The following FRAS1 variants were observed in gnomAD, a reference collection of about 807,000 sequenced individuals.
The protein encoded by FRAS1 is Fraser extracellular matrix complex subunit 1.
A neutral mutation model predicts 435.2 loss-of-function variants in FRAS1; 290 were observed. The ratio of observed to expected loss-of-function variants is 0.67; its 90% CI spans 0.61 to 0.73. The LOEUF (loss-of-function observed/expected upper bound fraction) is 0.73. Ranked by LOEUF, FRAS1 falls within the 30% of genes least tolerant of loss-of-function variation. The probability of loss-of-function intolerance (pLI) is 0.00; values close to 1 mark genes in which losing one functional copy is unlikely to be tolerated. For synonymous variants in FRAS1, 1,800 were observed against 1,851.0 expected, an observed-to-expected ratio of 0.97 and a Z score of 0.71; for missense variants, 4,860 against 5,001.5, an observed-to-expected ratio of 0.97 and a Z score of 0.85.
chr4:78,265,373 A>AG (rs925330334), intron 7 of FRAS1, among the ~76,000 whole-genome samples: 2 of 152,144 alleles, frequency 1.3e-5, no homozygotes, highest in African/African-American at 4.8e-5. Context: ...ACATGTCTTG[A>AG]GGGGGAAAAA....
intron 58 of FRAS1, among the ~76,000 whole-genome samples, chr4:78,485,474 C>T (rs1342660382): frequency 6.6e-6 from 1 of 152,150 alleles, no homozygotes; most frequent in Non-Finnish European, 1.5e-5. Flanking sequence ...CTTTTTCTTT[C>T]AGAGAAGCTA....
At chr4:78,137,157 A>G (rs1719955235) in intron 2 of FRAS1, among the ~76,000 whole-genome samples, 1 of 152,226 alleles carries the variant, frequency 6.6e-6, no homozygotes, top group South Asian at 2.1e-4. Context: ...GGCAATACTT[A>G]CATGGCTTTC....
At chr4:78,196,975 G>A (rs915023264) in intron 2 of FRAS1, among the ~76,000 whole-genome samples, 7 of 152,200 alleles carry the variant, frequency 4.6e-5, no homozygotes, top group Non-Finnish European at 8.8e-5. Context: ...ACAAGAGAGA[G>A]AAGTGGAGGG....
intron 2 of FRAS1, among the ~76,000 whole-genome samples, chr4:78,149,566 G>A (rs1720558272): frequency 6.6e-6 from 1 of 152,042 alleles, no homozygotes; most frequent in Non-Finnish European, 1.5e-5. Context: ...TTCTTGAATG[G>A]GAGTATAGTA....
At chr4:78,263,796 T>C (rs10007562) in intron 6 of FRAS1, among the ~76,000 whole-genome samples, 4,053 of 152,208 alleles carry the variant, frequency 0.027, 184 homozygotes, top group African/African-American at 0.091. Flanking sequence ...ACAGAGAAAA[T>C]AGTTGTCAAT....
chr4:78,315,549 T>C lies in FRAS1; in HGVS notation c.1679-45T>C, dbSNP rs1578247598. ...AAAGAATAGACTTCACTGCTTCTTT[T>C]GCTCACTATTGCCTTTCTCTGATGG... On this transcript the variant is annotated intron_variant, in intron 15 of 73. Coordinates refer to ENST00000512123, the MANE Select transcript of FRAS1 (RefSeq NM_025074.7). The C allele has an allele frequency of 2.6e-6, 4 of 1,559,912 alleles. No individual in the cohort carries two copies. The East Asian group carries it at 9.2e-5, about 36-fold the overall frequency.
intron 2 of FRAS1, among the ~76,000 whole-genome samples, chr4:78,088,174 G>T (rs1230581884): frequency 1.3e-5 from 2 of 152,130 alleles, no homozygotes; most frequent in African/African-American, 4.8e-5. Context: ...ACAAGCAATG[G>T]GGAAAGGATT....
intron 2 of FRAS1, among the ~76,000 whole-genome samples, chr4:78,115,971 C>A (rs1194357636): frequency 6.6e-6 from 1 of 152,164 alleles, no homozygotes; most frequent in Admixed American, 6.5e-5. Flanking sequence ...ACATTTAGTG[C>A]TATAAATTTC....
chr4:78,143,832 G>T (rs1193387807), intron 2 of FRAS1, among the ~76,000 whole-genome samples: 2 of 150,558 alleles, frequency 1.3e-5, no homozygotes, highest in Non-Finnish European at 3.0e-5. Flanking sequence ...TGAGCCCAGG[G>T]GACAAAGGTT....
chr4:78,417,240 A>G (rs1387793741), intron 32 of FRAS1, among the ~76,000 whole-genome samples: 1 of 152,220 alleles, frequency 6.6e-6, no homozygotes, highest in African/African-American at 2.4e-5. Flanking sequence ...TGGCTGGAAC[A>G]TATTTCCCTT....
At chr4:78,381,478 C>CA (rs1485024226) in intron 27 of FRAS1, among the ~76,000 whole-genome samples, 1 of 152,206 alleles carries the variant, frequency 6.6e-6, no homozygotes, top group African/African-American at 2.4e-5. Flanking sequence ...TTAGAAGAGA[C>CA]AGAGTTTCAC....
chr4:78,068,885 A>G (rs184754869), intron 2 of FRAS1, among the ~76,000 whole-genome samples: 4 of 152,290 alleles, frequency 2.6e-5, no homozygotes, highest in African/African-American at 9.6e-5. Flanking sequence ...TATCTACATC[A>G]TTCACTGCTG....
Position 78,466,288 on chromosome 4 carries a change from C to G in FRAS1, c.7110C>G (p.His2370Gln). 1 of 1,613,728 alleles carries G rather than the reference C, an allele frequency of 6.2e-7. No homozygotes were observed. The highest frequency in any genetic ancestry group is 8.5e-7 in the Non-Finnish European group (1 of 1,179,790). The part of the protein sequence containing the change: ...IERTSNGQHF[H>Q]LTSTFTMKDI... ...GAACCAGCAATGGGCAGCATTTCCA[C>G]CTCACCTCCACCTTCACCATGAAAG... The change falls in exon 50 of 74, where the codon CAC (histidine) becomes CAG (glutamine). Residue 2370 changes from histidine (H) to glutamine (Q), a missense_variant. His to Gln is a conservative substitution (Grantham distance 24, BLOSUM62 0). Transcript: ENST00000512123.
intron 54 of FRAS1, among the ~76,000 whole-genome samples, chr4:78,476,156 T>C (rs988978803): frequency 6.6e-6 from 1 of 152,192 alleles, no homozygotes; most frequent in Admixed American, 6.5e-5. Context: ...GGAAGGGACA[T>C]ATAAGAGGAG....
At chr4:78,283,018 GCT>G in intron 12 of FRAS1, 51 bp downstream of exon 12, 1 of 1,334,530 alleles carries the variant, frequency 7.5e-7, no homozygotes, top group Non-Finnish European at 9.7e-7. Flanking sequence ...CTGCCAAAAA[GCT>G]CAGAGATCCT....
chr4:78,088,122 T>C (rs1010060866), intron 2 of FRAS1, among the ~76,000 whole-genome samples: 2 of 152,050 alleles, frequency 1.3e-5, no homozygotes, highest in African/African-American at 4.8e-5. Context: ...GAAATAATGC[T>C]GCATATCTAC....
intron 9 of FRAS1, among the ~76,000 whole-genome samples, chr4:78,276,113 C>T (rs1378227466): frequency 6.6e-6 from 1 of 152,216 alleles, no homozygotes; most frequent in African/African-American, 2.4e-5. Flanking sequence ...AAATCAGCTA[C>T]TGAAGCTTGT....
chr4:78,410,019 G>A (rs5021255), intron 31 of FRAS1, among the ~76,000 whole-genome samples: 54,673 of 152,112 alleles, frequency 0.36, 9,912 homozygotes, highest in Admixed American at 0.38. Context: ...AACATTGGGT[G>A]CCCTTTGCCC....
intron 2 of FRAS1, among the ~76,000 whole-genome samples, chr4:78,163,180 A>C (rs1721208806): frequency 6.6e-6 from 1 of 152,222 alleles, no homozygotes; most frequent in Non-Finnish European, 1.5e-5. Flanking sequence ...CTGTTGGAAC[A>C]TTGCCAAACT....
Sources: gnomAD v4.1 joint callset for allele counts (sites outside exome capture counted in the v4.1 genomes callset) on GRCh38, gnomAD v4.1.1 for gene constraint, MANE v1.5 for transcripts, NCBI Gene and HGNC (gene_info 2026-07-23, HGNC 2026-07-21) for gene names.